CFI: variants seen among roughly 807,000 people sequenced by gnomAD.
The protein encoded by CFI is C3B/C4B inactivator.
Under a neutral mutation model 78.8 loss-of-function variants are expected in CFI, and 66 were observed. The ratio of observed to expected loss-of-function variants is 0.84; its 90% CI spans 0.69 to 1.03. The LOEUF (loss-of-function observed/expected upper bound fraction) is 1.03, where lower values mean the gene tolerates loss of function less well. Among genes scored for constraint, CFI ranks in the 50% least tolerant of loss-of-function variants. The pLI is 0.00. For missense variants in CFI, 706 were observed against 704.5 expected (o/e 1.00, Z -0.02); for synonymous variants, 250 against 232.6 (o/e 1.07, Z -0.68).
Position 109,741,096 on chromosome 4 carries a change from A to C in CFI, c.1549T>G (p.Ser517Ala). The C allele has an allele frequency of 6.2e-7, 1 of 1,614,130 alleles. No homozygotes were observed. The highest frequency in any genetic ancestry group is 1.1e-5 in the South Asian group (1 of 91,080). Reference sequence around the variant, plus strand: ...GAGTCCCCTTTACAGGCATCGATGGAACCATCATATGTACCTAAGAAAGAA... The same window carrying C: ...GAGTCCCCTTTACAGGCATCGATGGCACCATCATATGTACCTAAGAAAGAA... Reference protein sequence around the residue: ...EMECAGTYDGSIDACKGDSGG... With the variant: ...EMECAGTYDGAIDACKGDSGG... Residue 517 changes from serine (S) to alanine (A), a missense_variant, in exon 13 of 13, where the codon TCC becomes GCC. Coordinates refer to ENST00000394634, the MANE Select transcript of CFI (RefSeq NM_000204.5).
chr4:109,788,006 A>G (rs62324936), intron 1 of CFI, among the ~76,000 whole-genome samples: 6,614 of 151,998 alleles, frequency 0.044, 205 homozygotes, highest in Non-Finnish European at 0.062. Context: ...CAACCACTTA[A>G]CAGCTCTTTG....
At chr4:109,784,353 T>C (rs1730483238) in intron 1 of CFI, among the ~76,000 whole-genome samples, 1 of 152,072 alleles carries the variant, frequency 6.6e-6, no homozygotes, top group African/African-American at 2.4e-5. Context: ...AGTTTAGATG[T>C]GAAGGGGCAC....
At chr4:109,796,305 TGAAA>T (rs1225393699) in intron 1 of CFI, among the ~76,000 whole-genome samples, 1 of 151,902 alleles carries the variant, frequency 6.6e-6, no homozygotes, top group Non-Finnish European at 1.5e-5. Context: ...CCTCTAAAAA[TGAAA>T]GAGAGATAAA....
intron 1 of CFI, among the ~76,000 whole-genome samples, chr4:109,791,758 C>T (rs1731412341): frequency 6.6e-6 from 1 of 152,060 alleles, no homozygotes; most frequent in African/African-American, 2.4e-5. Flanking sequence ...TGTAAGGGTG[C>T]AGCCTTATTT....
intron 1 of CFI, among the ~76,000 whole-genome samples, chr4:109,781,169 CT>C (rs1177608650): frequency 3.3e-5 from 5 of 151,936 alleles, no homozygotes; most frequent in African/African-American, 7.2e-5. Flanking sequence ...ACTTGATTTT[CT>C]TTTTGACCCA....
At chr4:109,733,097 G>A in the CFI span, among the ~76,000 whole-genome samples, 72 of 151,602 alleles carry the variant, frequency 4.7e-4, no homozygotes, top group Middle Eastern at 3.4e-3. Context: ...TCAGCCTCCC[G>A]AGTAGCTGGG....
At chr4:109,775,719 G>A (rs746485922) in intron 1 of CFI, among the ~76,000 whole-genome samples, 2 of 152,202 alleles carry the variant, frequency 1.3e-5, no homozygotes, top group Admixed American at 6.5e-5. Flanking sequence ...CATGACCCCC[G>A]AGTAGCCTAA....
chr4:109,788,063 C>T (rs997377282), intron 1 of CFI, among the ~76,000 whole-genome samples: 1 of 152,056 alleles, frequency 6.6e-6, no homozygotes, highest in East Asian at 1.9e-4. Context: ...CCATGTTACT[C>T]TCCAATCTGT....
chr4:109,782,601 A>G (rs1730201446), intron 1 of CFI, among the ~76,000 whole-genome samples: 1 of 152,058 alleles, frequency 6.6e-6, no homozygotes, highest in African/African-American at 2.4e-5. Flanking sequence ...CCATACCGCC[A>G]AAAGAAATCT....
At chr4:109,735,270 T>C in the CFI span, among the ~76,000 whole-genome samples, 1 of 152,314 alleles carries the variant, frequency 6.6e-6, no homozygotes. Flanking sequence ...CTATATTTTC[T>C]ATATAGAACT....
At chr4:109,754,535 G>T (rs955894552) in intron 7 of CFI, among the ~76,000 whole-genome samples, 2 of 151,572 alleles carry the variant, frequency 1.3e-5, no homozygotes, top group Non-Finnish European at 2.9e-5. Flanking sequence ...TTTGACCTGG[G>T]GATCTGAAGG....
Position 109,741,600 on chromosome 4 carries a change from C to T in CFI, c.1535-490G>A, listed in dbSNP as rs529648010. Reference sequence around the variant, plus strand: ...ACAAACGACAGGGCCTGGACTTGAACCCAGGCAACCACACCTCAGAGCTTG... The same window carrying T: ...ACAAACGACAGGGCCTGGACTTGAATCCAGGCAACCACACCTCAGAGCTTG... On this transcript the variant is annotated intron_variant, in intron 12 of 12. Transcript: ENST00000394634. Among the ~76,000 whole-genome samples, 7 of 152,266 alleles carry T rather than the reference C, an allele frequency of 4.6e-5. No homozygotes were observed. The East Asian group carries it at 9.6e-4, about 21-fold the overall frequency.
At chr4:109,739,279 A>C (rs1723565139), downstream of CFI, among the ~76,000 whole-genome samples, 1 of 122,134 alleles carries the variant, frequency 8.2e-6, no homozygotes, top group Non-Finnish European at 1.8e-5. Context: ...AGCTGTGCTT[A>C]AAAAAAAAAA....
chr4:109,772,948 C>T (rs1197313535), intron 1 of CFI, among the ~76,000 whole-genome samples: 2 of 152,098 alleles, frequency 1.3e-5, no homozygotes, highest in African/African-American at 2.4e-5. Flanking sequence ...TCGTATTTTC[C>T]TCTACTTCTG....
chr4:109,791,100 G>A (rs529986069), intron 1 of CFI, among the ~76,000 whole-genome samples: 1 of 152,046 alleles, frequency 6.6e-6, no homozygotes, highest in East Asian at 1.9e-4. Flanking sequence ...CCACAACCTC[G>A]ACAGCATGTT....
At position 109,795,479 on chromosome 4, in the gene CFI, C is replaced by T. The variant is rs927355402; in HGVS notation, c.57+6436G>A. ...GATTATGAAGAAAAAAGACACTATC[C>T]AAGGAGCACATAAAGCTCCAATAAG... On this transcript the variant is annotated intron_variant, in intron 1 of 12. Coordinates refer to ENST00000394634, the MANE Select transcript of CFI (RefSeq NM_000204.5). Among the ~76,000 whole-genome samples, 5 of 152,112 alleles carry T rather than the reference C, an allele frequency of 3.3e-5. No homozygotes were observed. In the East Asian group the frequency reaches 7.7e-4, roughly 23 times the overall value.
At chr4:109,750,856 C>T (rs915550071) in intron 8 of CFI, among the ~76,000 whole-genome samples, 2 of 152,172 alleles carry the variant, frequency 1.3e-5, no homozygotes, top group East Asian at 1.9e-4. Context: ...ATGTTAGCTT[C>T]TGATTAACCC....
intron 11 of CFI, among the ~76,000 whole-genome samples, chr4:109,743,031 G>A (rs1279803134): frequency 2.6e-5 from 4 of 152,128 alleles, no homozygotes; most frequent in Non-Finnish European, 4.4e-5. Context: ...AAATACATAC[G>A]AAGTTATCAA....
chr4:109,737,930 G>T (rs1354639660), downstream of CFI, among the ~76,000 whole-genome samples: 2 of 152,116 alleles, frequency 1.3e-5, no homozygotes, highest in Admixed American at 6.5e-5. Flanking sequence ...CTGTCACATA[G>T]AGTCGCTTCA....
Sources: gnomAD v4.1 joint callset for allele counts (sites outside exome capture counted in the v4.1 genomes callset) on GRCh38, gnomAD v4.1.1 for gene constraint, MANE v1.5 for transcripts, NCBI Gene and HGNC (gene_info 2026-07-23, HGNC 2026-07-21) for gene names.